The following IGF2BP2 variants were observed in gnomAD, a reference collection of about 807,000 sequenced individuals.
IGF2BP2 encodes insulin like growth factor 2 mRNA binding protein 2.
Under a neutral mutation model 75.8 loss-of-function variants are expected in IGF2BP2, and 17 were observed. The ratio of observed to expected loss-of-function variants is 0.22; its 90% CI spans 0.15 to 0.34. The LOEUF is 0.34. Ranked by LOEUF, IGF2BP2 falls within the 10% of genes least tolerant of loss-of-function variation. The pLI is 1.00. For missense variants in IGF2BP2, 516 were observed against 772.4 expected (o/e 0.67, Z 3.93); for synonymous variants, 288 against 295.6 (o/e 0.97, Z 0.26).
intron 2 of IGF2BP2, among the ~76,000 whole-genome samples, chr3:185,727,446 AG>A (rs1378427593): frequency 6.6e-6 from 1 of 152,108 alleles, no homozygotes; most frequent in African/African-American, 2.4e-5. Flanking sequence ...TTGGCCTCAA[AG>A]ACAGAACAGT....
intron 2 of IGF2BP2, among the ~76,000 whole-genome samples, chr3:185,767,041 C>T (rs1472596745): frequency 6.6e-6 from 1 of 152,138 alleles, no homozygotes; most frequent in South Asian, 2.1e-4. Flanking sequence ...ACAAACTGCC[C>T]AGCCCCACTT....
chr3:185,798,047 T>C (rs935848327), intron 2 of IGF2BP2, among the ~76,000 whole-genome samples: 9 of 151,788 alleles, frequency 5.9e-5, no homozygotes, highest in Admixed American at 4.6e-4. Flanking sequence ...ATTAAGAATA[T>C]AAAATTAGCC....
intron 14 of IGF2BP2, among the ~76,000 whole-genome samples, chr3:185,648,142 G>A (rs1011557878): frequency 6.6e-6 from 1 of 152,184 alleles, no homozygotes; most frequent in Non-Finnish European, 1.5e-5. Context: ...TTTGAATTCC[G>A]TTTAAGAGTT....
At chr3:185,718,683 T>TAAAA (rs1560351743) in intron 2 of IGF2BP2, among the ~76,000 whole-genome samples, 11 of 22,136 alleles carry the variant, frequency 5.0e-4, no homozygotes, top group African/African-American at 2.1e-3. Context: ...AGACTCTGTC[T>TAAAA]CAAAAAAAAA....
chr3:185,748,221 G>A (rs1227269017), intron 2 of IGF2BP2, among the ~76,000 whole-genome samples: 1 of 152,096 alleles, frequency 6.6e-6, no homozygotes, highest in African/African-American at 2.4e-5. Context: ...ACTTTTTAAA[G>A]GGCTCCCATT....
At chr3:185,661,766 C>T (rs552421395) in intron 10 of IGF2BP2, among the ~76,000 whole-genome samples, 14 of 151,894 alleles carry the variant, frequency 9.2e-5, no homozygotes, top group East Asian at 1.9e-4. Flanking sequence ...TGTGTTCTAC[C>T]GGGGAGGCAG....
At chr3:185,702,348 C>A (rs893297820) in intron 2 of IGF2BP2, among the ~76,000 whole-genome samples, 4 of 152,070 alleles carry the variant, frequency 2.6e-5, no homozygotes, top group Admixed American at 1.3e-4. Context: ...CGTTTCCCTC[C>A]TTCCTTTAGA....
chr3:185,819,804 T>C (rs1232511373), intron 2 of IGF2BP2, among the ~76,000 whole-genome samples: 1 of 152,008 alleles, frequency 6.6e-6, no homozygotes, highest in Non-Finnish European at 1.5e-5. Flanking sequence ...AAATTAAAAA[T>C]TGATGCAGCA....
chr3:185,697,416 T>TG (rs1276867885), intron 3 of IGF2BP2, among the ~76,000 whole-genome samples: 2 of 128,728 alleles, frequency 1.6e-5, no homozygotes, highest in Admixed American at 8.7e-5. Context: ...AATAATCGTG[T>TG]GTTTTTTTTT....
intron 11 of IGF2BP2, 102 bp downstream of exon 11, chr3:185,658,239 G>T (rs1715778390): frequency 8.8e-7 from 1 of 1,135,170 alleles, no homozygotes; most frequent in Non-Finnish European, 1.3e-6. Context: ...CAGAACCACA[G>T]GAGACAAGAT....
At chr3:185,676,903 GATAT>G (rs1182507399) in intron 7 of IGF2BP2, among the ~76,000 whole-genome samples, 1 of 140,768 alleles carries the variant, frequency 7.1e-6, no homozygotes. Context: ...ATTTACTGGA[GATAT>G]ATATATGAGA....
At chr3:185,785,028 C>T (rs543233670) in intron 2 of IGF2BP2, among the ~76,000 whole-genome samples, 1 of 152,128 alleles carries the variant, frequency 6.6e-6, no homozygotes, top group East Asian at 1.9e-4. Flanking sequence ...GGGACAGGCA[C>T]GGTGGCTCAT....
intron 2 of IGF2BP2, among the ~76,000 whole-genome samples, chr3:185,751,789 C>T (rs1384436966): frequency 1.3e-5 from 2 of 151,966 alleles, no homozygotes; most frequent in African/African-American, 4.8e-5. Flanking sequence ...ATGGTAAAAC[C>T]TCGTCTCTAC....
intron 2 of IGF2BP2, among the ~76,000 whole-genome samples, chr3:185,792,878 T>G (rs1392105552): frequency 6.6e-6 from 1 of 151,226 alleles, no homozygotes; most frequent in African/African-American, 2.4e-5. Flanking sequence ...AGCACTGGAC[T>G]CCCATGACAG....
chr3:185,806,951 C>T (rs921178168), intron 2 of IGF2BP2, among the ~76,000 whole-genome samples: 4 of 152,144 alleles, frequency 2.6e-5, no homozygotes, highest in South Asian at 2.1e-4. Context: ...TAGTAAATGG[C>T]GCATTTCTTA....
At chr3:185,782,131 CTTCT>C (rs1735288774) in intron 2 of IGF2BP2, among the ~76,000 whole-genome samples, 1 of 152,122 alleles carries the variant, frequency 6.6e-6, no homozygotes, top group South Asian at 2.1e-4. Flanking sequence ...CAACTCCTTC[CTTCT>C]TCGTTCAGAA....
chr3:185,795,221 T>C (rs1737203313), intron 2 of IGF2BP2, among the ~76,000 whole-genome samples: 1 of 152,194 alleles, frequency 6.6e-6, no homozygotes, highest in East Asian at 1.9e-4. Context: ...ATAAGTGGGA[T>C]CATATAGTGC....
intron 2 of IGF2BP2, among the ~76,000 whole-genome samples, chr3:185,809,077 C>A (rs192309760): frequency 7.3e-5 from 11 of 151,508 alleles, no homozygotes; most frequent in Non-Finnish European, 1.6e-4. Context: ...TTGCAATAAG[C>A]GAATAGCTAG....
intron 10 of IGF2BP2, among the ~76,000 whole-genome samples, chr3:185,663,191 T>C (rs1191304745): frequency 1.3e-5 from 2 of 152,180 alleles, no homozygotes; most frequent in Non-Finnish European, 2.9e-5. Flanking sequence ...ATGTGGCCAT[T>C]AGACTCACTG....
Sources: allele counts gnomAD v4.1 joint callset (sites outside exome capture counted in the v4.1 genomes callset), GRCh38; gene constraint gnomAD v4.1.1; transcripts MANE v1.5; gene names NCBI Gene and HGNC (gene_info 2026-07-23, HGNC 2026-07-21).